Variants in SPINK1 observed in about 807,000 individuals in gnomAD.
The protein encoded by SPINK1 is serine peptidase inhibitor Kazal type 1.
A neutral mutation model predicts 9.5 loss-of-function variants in SPINK1; 5 were observed. That is an observed-to-expected ratio of 0.52 (90% CI 0.27 to 1.10). The LOEUF (loss-of-function observed/expected upper bound fraction) is 1.10. Among genes scored for constraint, SPINK1 ranks in the 50% least tolerant of loss-of-function variants. The pLI, the probability that SPINK1 is intolerant of heterozygous loss-of-function variation, is 0.11. For missense variants in SPINK1, 88 were observed against 92.7 expected (o/e 0.95, Z 0.21); for synonymous variants, 37 against 32.3 (o/e 1.14, Z -0.49).
chr5:147,828,856 C>T (rs138109750), intron 2 of SPINK1, among the ~76,000 whole-genome samples: 1 of 152,212 alleles, frequency 6.6e-6, no homozygotes, highest in Non-Finnish European at 1.5e-5. Flanking sequence ...GTACTTTATT[C>T]TACTACATCT....
upstream of SPINK1, among the ~76,000 whole-genome samples, chr5:147,832,121 A>AC (rs1203016714): frequency 6.6e-6 from 1 of 152,068 alleles, no homozygotes; most frequent in Admixed American, 6.6e-5. Flanking sequence ...TAGCTGATGG[A>AC]GTGGCAGATG....
At chr5:147,826,323 T>C (rs1490916259) in intron 3 of SPINK1, among the ~76,000 whole-genome samples, 4 of 152,180 alleles carry the variant, frequency 2.6e-5, no homozygotes, top group African/African-American at 2.4e-5. Flanking sequence ...TTAGGAAATA[T>C]GTTGTATTTG....
chr5:147,831,736 C>T, upstream of SPINK1: 3 of 1,482,752 alleles, frequency 2.0e-6, no homozygotes, highest in Non-Finnish European at 2.7e-6. Context: ...GACTCTGTGT[C>T]ATAGCCTGGC....
chr5:147,827,090 T>C (rs897901721), intron 3 of SPINK1: 7 of 152,168 alleles, frequency 4.6e-5, no homozygotes, highest in African/African-American at 1.2e-4. Flanking sequence ...TTTTCCTTTT[T>C]TTTAAGATGG....
At chr5:147,832,224 G>A (rs894333008), upstream of SPINK1, among the ~76,000 whole-genome samples, 1 of 152,142 alleles carries the variant, frequency 6.6e-6, no homozygotes, top group African/African-American at 2.4e-5. Flanking sequence ...CACTTTTGCT[G>A]TGCTTCTGTG....
At chr5:147,833,352 G>T (rs1441682626), upstream of SPINK1, among the ~76,000 whole-genome samples, 1 of 152,144 alleles carries the variant, frequency 6.6e-6, no homozygotes, top group Non-Finnish European at 1.5e-5. Flanking sequence ...GAAGTGTTTA[G>T]TTCTTGAAAT....
chr5:147,831,692 T>C (rs1158381007), upstream of SPINK1: 3 of 1,545,758 alleles, frequency 1.9e-6, no homozygotes, highest in East Asian at 7.3e-5. Flanking sequence ...CCCCACCTAC[T>C]GGGCTATATC....
At chr5:147,835,468 C>G (rs1756580894), upstream of SPINK1, among the ~76,000 whole-genome samples, 1 of 152,062 alleles carries the variant, frequency 6.6e-6, no homozygotes, top group African/African-American at 2.4e-5. Context: ...TGCCACCGTG[C>G]TAGACTATTA....
chr5:147,831,647 G>T lies in SPINK1; in HGVS notation c.-70C>A. On this transcript the variant is annotated 5_prime_UTR_variant, in exon 1 of 4. Transcript: ENST00000296695. Reference sequence around the variant, plus strand: ...CTTACCACGTCTCTTCAGAAGCCTGGGACTGGAAGGGTCATATGGCAGATG... The same window carrying T: ...CTTACCACGTCTCTTCAGAAGCCTGTGACTGGAAGGGTCATATGGCAGATG... 1 of 1,598,892 alleles carries T rather than the reference G, an allele frequency of 6.3e-7. No individual in the cohort carries two copies. The highest frequency in any genetic ancestry group is 1.1e-5 in the South Asian group (1 of 89,370).
rs369604230 is a variant in SPINK1, at chr5:147,824,652, C to T, written c.*9G>A. ...GCGGTGACCTGATGGGATTTCAAAA[C>T]CTTGGTTCTCAGCAAGGCCCAGATT... is the stretch of plus-strand genomic sequence containing the variant. On this transcript the variant is annotated 3_prime_UTR_variant, in exon 4 of 4. Transcript: ENST00000296695. 1.1e-5 allele frequency: 17 copies of T among 1,613,796 alleles called. No individual in the cohort carries two copies. The African/African-American group carries it at 1.5e-4, about 14-fold the overall frequency.
At chr5:147,825,111 T>G (rs1471335962) in intron 3 of SPINK1, among the ~76,000 whole-genome samples, 1 of 152,220 alleles carries the variant, frequency 6.6e-6, no homozygotes, top group East Asian at 1.9e-4. Context: ...CCTTTCATCT[T>G]AGAGCTCTGG....
At chr5:147,838,451 T>C in the SPINK1 span, among the ~76,000 whole-genome samples, 1 of 152,148 alleles carries the variant, frequency 6.6e-6, no homozygotes, top group Non-Finnish European at 1.5e-5. Flanking sequence ...CCCATACTCT[T>C]AACCAAACCT....
chr5:147,830,382 T>C (rs1374893796), intron 1 of SPINK1, among the ~76,000 whole-genome samples: 2 of 152,182 alleles, frequency 1.3e-5, no homozygotes, highest in East Asian at 1.9e-4. Context: ...AGGGAACTAA[T>C]ATGATAGCAA....
intron 2 of SPINK1, among the ~76,000 whole-genome samples, chr5:147,828,474 G>A (rs1013004483): frequency 1.1e-4 from 16 of 152,112 alleles, no homozygotes; most frequent in African/African-American, 3.1e-4. Context: ...CAATTACTGC[G>A]GGTGCTGGCA....
Position 147,831,562 on chromosome 5 carries a change from T to A in SPINK1, c.16A>T (p.Ile6Phe), listed in dbSNP as rs1459566836. The A allele has an allele frequency of 1.9e-6, 3 of 1,613,680 alleles. No individual in the cohort carries two copies. The highest frequency in any genetic ancestry group is 4.5e-5 in the East Asian group (2 of 44,808). ...AGGGCCAAGGCACTGAGAAGAAAGA[T>A]GCCTGTTACCTTCATGGCTGAAGTT... MKVTG[I>F]FLLSALALLS... The change falls in exon 1 of 4, where the codon ATC becomes TTC. Residue 6 changes from isoleucine to phenylalanine, a missense_variant. Physicochemically the swap from Ile to Phe is conservative, Grantham distance 21. Coordinates refer to ENST00000296695, the MANE Select transcript of SPINK1 (RefSeq NM_001379610.1).
At chr5:147,824,839 T>C in intron 3 of SPINK1, 133 bp from the exon 4 acceptor site, 1 of 789,322 alleles carries the variant, frequency 1.3e-6, no homozygotes, top group Non-Finnish European at 2.1e-6. Flanking sequence ...ATCTTTTCTC[T>C]GTCTTTCATT....
Position 147,831,538 on chromosome 5 carries a change from G to C in SPINK1, c.40C>G (p.Leu14Val), listed in dbSNP as rs1380669932. 1.2e-6 allele frequency: 2 copies of C among 1,613,586 alleles called. No homozygotes were observed. Among genetic ancestry groups the C allele is most frequent in the Non-Finnish European group, 1.7e-6 (2 of 1,179,844 alleles). The change falls in exon 1 of 4, where the codon CTG becomes GTG. Residue 14 changes from leucine (L) to valine (V), a missense_variant. Physicochemically the swap from Leu to Val is conservative, Grantham distance 32. Transcript: ENST00000296695. ...CAACACTTACCAGATAGACTCAACA[G>C]GGCCAAGGCACTGAGAAGAAAGATG... ...TGIFLLSALA[L>V]LSLSGNTGAD...
intron 2 of SPINK1, among the ~76,000 whole-genome samples, chr5:147,829,321 A>G (rs2127135494): frequency 6.6e-6 from 1 of 152,298 alleles, no homozygotes; most frequent in South Asian, 2.1e-4. Context: ...TTCCACCCCA[A>G]ATACTTGTCT....
chr5:147,835,647 G>A (rs551334972), upstream of SPINK1, among the ~76,000 whole-genome samples: 70 of 152,236 alleles, frequency 4.6e-4, no homozygotes, highest in Admixed American at 1.3e-3. Flanking sequence ...AGTAAAGAGT[G>A]ATGACAAAAC....
Sources: allele counts gnomAD v4.1 joint callset (sites outside exome capture counted in the v4.1 genomes callset), GRCh38; gene constraint gnomAD v4.1.1; transcripts MANE v1.5; gene names NCBI Gene and HGNC (gene_info 2026-07-23, HGNC 2026-07-21).